Variants in CACHD1 observed in about 807,000 individuals in gnomAD.
CACHD1 encodes cache domain containing 1, also known as VWFA and cache domain-containing protein 1.
CACHD1 carries 71 observed loss-of-function variants against 138.7 expected under a neutral mutation model. The ratio of observed to expected loss-of-function variants is 0.51; its 90% CI spans 0.42 to 0.62. CACHD1 has a LOEUF of 0.62. CACHD1 is among the 20% of genes least tolerant of loss of function. CACHD1 has a pLI of 0.00. For synonymous variants in CACHD1, 578 were observed against 591.5 expected (o/e 0.98, Z 0.33); for missense variants, 1,389 against 1,625.3 (o/e 0.85, Z 2.50).
chr1:64,608,755 A>G (rs1379164632), intron 4 of CACHD1, among the ~76,000 whole-genome samples: 1 of 149,464 alleles, frequency 6.7e-6, no homozygotes, highest in Non-Finnish European at 1.5e-5. Context: ...CTACTTTCTC[A>G]CTCTCTCTCT....
At chr1:64,549,877 A>T (rs998124326) in intron 1 of CACHD1, among the ~76,000 whole-genome samples, 3 of 149,726 alleles carry the variant, frequency 2.0e-5, no homozygotes, top group Non-Finnish European at 4.4e-5. Context: ...ATCTCTTGTG[A>T]TTACTCAGTA....
intron 4 of CACHD1, among the ~76,000 whole-genome samples, chr1:64,619,383 G>A (rs1647828152): frequency 1.3e-5 from 2 of 152,158 alleles, no homozygotes; most frequent in Non-Finnish European, 2.9e-5. Context: ...ACAAAATTGT[G>A]GGGGTTTGCT....
intron 5 of CACHD1, among the ~76,000 whole-genome samples, chr1:64,632,107 C>T (rs898304754): frequency 5.3e-5 from 8 of 151,922 alleles, no homozygotes; most frequent in African/African-American, 1.7e-4. Flanking sequence ...CCCAAGGGAC[C>T]ACTACATCCA....
chr1:64,621,119 A>G (rs1647898973), intron 4 of CACHD1, among the ~76,000 whole-genome samples: 1 of 152,190 alleles, frequency 6.6e-6, no homozygotes, highest in Non-Finnish European at 1.5e-5. Flanking sequence ...TAAAATGGTA[A>G]ATACTTGAAA....
chr1:64,683,243 C>T (rs1317075176), intron 26 of CACHD1, among the ~76,000 whole-genome samples: 1 of 152,186 alleles, frequency 6.6e-6, no homozygotes, highest in African/African-American at 2.4e-5. Flanking sequence ...TAAATAGAAA[C>T]TTCAGGTTTC....
intron 2 of CACHD1, among the ~76,000 whole-genome samples, chr1:64,564,692 T>G (rs914323829): frequency 6.6e-6 from 1 of 152,196 alleles, no homozygotes; most frequent in African/African-American, 2.4e-5. Flanking sequence ...TCTGTAAATC[T>G]GTAAACTTTA....
chr1:64,582,107 A>C (rs766753035), intron 2 of CACHD1, 49 bp from the exon 3 acceptor site: 1 of 1,593,238 alleles, frequency 6.3e-7, no homozygotes, highest in Non-Finnish European at 8.6e-7. Context: ...AAATACAATG[A>C]GTTATTGTCT....
chr1:64,540,356 T>G (rs1158558226), intron 1 of CACHD1, among the ~76,000 whole-genome samples: 1 of 151,264 alleles, frequency 6.6e-6, no homozygotes, highest in Non-Finnish European at 1.5e-5. Flanking sequence ...AGAGTGAAAA[T>G]AGGGGAGTGG....
At chr1:64,581,124 C>G (rs957466453) in intron 2 of CACHD1, among the ~76,000 whole-genome samples, 1 of 152,100 alleles carries the variant, frequency 6.6e-6, no homozygotes, top group Non-Finnish European at 1.5e-5. Flanking sequence ...GGCTGAGAAC[C>G]TCAGTTATTT....
At chr1:64,657,822 T>G (rs1255869638) in intron 12 of CACHD1, among the ~76,000 whole-genome samples, 1 of 152,188 alleles carries the variant, frequency 6.6e-6, no homozygotes, top group Non-Finnish European at 1.5e-5. Context: ...AGTCATCAAC[T>G]TCTTCATTTA....
chr1:64,531,534 T>C (rs1280820431), intron 1 of CACHD1, among the ~76,000 whole-genome samples: 2 of 150,658 alleles, frequency 1.3e-5, no homozygotes, highest in Non-Finnish European at 3.0e-5. Flanking sequence ...TGTGTGTCTG[T>C]GTAGGGGTGG....
intron 4 of CACHD1, among the ~76,000 whole-genome samples, chr1:64,628,701 T>G (rs544246967): frequency 2.6e-5 from 4 of 152,272 alleles, no homozygotes; most frequent in Non-Finnish European, 4.4e-5. Flanking sequence ...TGATGAGGTC[T>G]TTGATAAATC....
chr1:64,548,028 A>C (rs527319556), intron 1 of CACHD1, among the ~76,000 whole-genome samples: 1 of 152,236 alleles, frequency 6.6e-6, no homozygotes, highest in South Asian at 2.1e-4. Flanking sequence ...TATGTCATAA[A>C]AAGATCTACT....
intron 26 of CACHD1, among the ~76,000 whole-genome samples, chr1:64,686,361 T>C (rs943510814): frequency 6.6e-6 from 1 of 152,208 alleles, no homozygotes; most frequent in African/African-American, 2.4e-5. Flanking sequence ...TTAGAAACTT[T>C]AGGGTGTATT....
At chr1:64,684,283 T>C (rs2100743362) in intron 26 of CACHD1, among the ~76,000 whole-genome samples, 1 of 152,150 alleles carries the variant, frequency 6.6e-6, no homozygotes, top group South Asian at 2.1e-4. Flanking sequence ...ATCTCATTTG[T>C]GGTAAAAATT....
At chr1:64,471,074 A>C in intron 1 of CACHD1, 132 bp downstream of exon 1, 1 of 855,330 alleles carries the variant, frequency 1.2e-6, no homozygotes, top group Non-Finnish European at 1.7e-6. Flanking sequence ...TTCCCGTCGG[A>C]CCCCTCTGTC....
chr1:64,561,492 A>G lies in CACHD1; in HGVS notation c.261+10836A>G, dbSNP rs539800505. On this transcript the variant is annotated intron_variant, in intron 2 of 26. Transcript: ENST00000651257. Reference sequence around the variant, plus strand: ...TGATATTGAATCTGAAGTTCCTTTAATATTTCTTGTAGTGAAGATACCCTA... The same window carrying G: ...TGATATTGAATCTGAAGTTCCTTTAGTATTTCTTGTAGTGAAGATACCCTA... 2.1e-4 allele frequency among the ~76,000 whole-genome samples: 32 copies of G among 152,260 alleles called. No individual in the cohort carries two copies. The Middle Eastern group carries it at 0.01, about 49-fold the overall frequency.
At chr1:64,679,410 A>G (rs1245113563) in intron 23 of CACHD1, among the ~76,000 whole-genome samples, 185 bp from the exon 24 acceptor site, 1 of 152,220 alleles carries the variant, frequency 6.6e-6, no homozygotes, top group Non-Finnish European at 1.5e-5. Flanking sequence ...AGAACCAGGA[A>G]TTAAATGTAG....
intron 2 of CACHD1, among the ~76,000 whole-genome samples, chr1:64,556,979 C>T (rs566837223): frequency 1.3e-4 from 20 of 152,086 alleles, no homozygotes; most frequent in African/African-American, 4.1e-4. Flanking sequence ...ATTAGCCGGG[C>T]GTGGTGGCGG....
Sources: allele counts gnomAD v4.1 joint callset (sites outside exome capture counted in the v4.1 genomes callset), GRCh38; gene constraint gnomAD v4.1.1; transcripts MANE v1.5; gene names NCBI Gene and HGNC (gene_info 2026-07-23, HGNC 2026-07-21).